The following ZNF423 variants were observed in gnomAD, a reference collection of about 807,000 sequenced individuals.
ZNF423 encodes the protein zinc finger protein 423, also known as Ebf-associated zinc finger protein.
A neutral mutation model predicts 95.8 loss-of-function variants in ZNF423; 12 were observed. The observed-to-expected ratio is 0.13, with a 90% CI of 0.08 to 0.20. The LOEUF is 0.20. Ranked by LOEUF, ZNF423 falls within the 10% of genes least tolerant of loss-of-function variation. The pLI is 1.00. For missense variants in ZNF423, 1,316 were observed against 1,737.1 expected (o/e 0.76, Z 4.31); for synonymous variants, 749 against 711.9 (o/e 1.05, Z -0.83).
rs144041285 is a variant in ZNF423, at chr16:49,621,932, C to T, written c.3601+4238G>A. ...CCCAGGACCACACCAGGTGGGTCTTCGTTCTCTTCCCAACTGGTTCCTTCT... is the reference window on the plus strand; with the variant it reads ...CCCAGGACCACACCAGGTGGGTCTTTGTTCTCTTCCCAACTGGTTCCTTCT... On this transcript the variant is annotated intron_variant, in intron 5 of 7. Transcript: ENST00000563137. 1.1e-4 allele frequency among the ~76,000 whole-genome samples: 16 copies of T among 152,312 alleles called. No individual in the cohort carries two copies. In the East Asian group the frequency reaches 3.1e-3, roughly 29 times the overall value.
chr16:49,644,687 A>AC (rs1555517109), intron 3 of ZNF423, among the ~76,000 whole-genome samples: 1 of 110,906 alleles, frequency 9.0e-6, no homozygotes, highest in Non-Finnish European at 1.9e-5. Context: ...AAAAAAAAAA[A>AC]AAAAAAAAAA....
intron 4 of ZNF423, among the ~76,000 whole-genome samples, chr16:49,626,545 C>A (rs1972277703): frequency 6.6e-6 from 1 of 152,050 alleles, no homozygotes; most frequent in African/African-American, 2.4e-5. Flanking sequence ...CTTAGAAGGG[C>A]AAATCCATCT....
chr16:49,725,287 C>A (rs1040108137), intron 3 of ZNF423, among the ~76,000 whole-genome samples: 1 of 152,010 alleles, frequency 6.6e-6, no homozygotes, highest in Admixed American at 6.5e-5. Flanking sequence ...GAGGCTGAGG[C>A]GGGAGGATCG....
chr16:49,537,550 C>T (rs533281470), intron 5 of ZNF423, among the ~76,000 whole-genome samples: 6 of 152,300 alleles, frequency 3.9e-5, no homozygotes, highest in Non-Finnish European at 7.3e-5. Context: ...CACATGATTG[C>T]GACGCTAATA....
chr16:49,798,038 T>G (rs932723007), intron 1 of ZNF423, among the ~76,000 whole-genome samples: 14 of 152,176 alleles, frequency 9.2e-5, no homozygotes, highest in South Asian at 2.1e-4. Flanking sequence ...AGCAAGATAC[T>G]ATCTCCATAA....
intron 3 of ZNF423, among the ~76,000 whole-genome samples, chr16:49,704,585 G>A (rs2032293697): frequency 6.6e-6 from 1 of 152,206 alleles, no homozygotes; most frequent in Non-Finnish European, 1.5e-5. Flanking sequence ...TAGAGAGGAA[G>A]ATGCAGTGAA....
At chr16:49,786,994 A>G (rs2034324523) in intron 2 of ZNF423, among the ~76,000 whole-genome samples, 1 of 152,194 alleles carries the variant, frequency 6.6e-6, no homozygotes. Flanking sequence ...AAGCCCACAG[A>G]GAAATTATGG....
chr16:49,586,350 A>G, intron 5 of ZNF423, among the ~76,000 whole-genome samples: 1 of 151,962 alleles, frequency 6.6e-6, no homozygotes, highest in East Asian at 1.9e-4. Flanking sequence ...TATTACTTGC[A>G]TATCTATAAT....
At position 49,627,361 on chromosome 16, in the gene ZNF423, C is replaced by A. The variant is rs545725421; in HGVS notation, c.3517-1107G>T. 4.2e-5 allele frequency among the ~76,000 whole-genome samples: 6 copies of A among 141,574 alleles called. No individual in the cohort carries two copies. The East Asian group carries it at 1.2e-3, about 27-fold the overall frequency. The allele number at this position is 141,574 out of a possible 152,430, so 92.9% of individuals were successfully genotyped here. ...ACCCATCCATCCATCTACATACATACCCACCCATCCATCCATCCTCCATCT... is the reference window on the plus strand; with the variant it reads ...ACCCATCCATCCATCTACATACATAACCACCCATCCATCCATCCTCCATCT... On this transcript the variant is annotated intron_variant, in intron 4 of 7. Transcript: ENST00000563137.
chr16:49,636,850 G>A lies in ZNF423; in HGVS notation c.2326C>T (p.His776Tyr). The change falls in exon 4 of 8, where the codon CAC becomes TAC. Residue 776 changes from histidine to tyrosine, a missense_variant. Transcript: ENST00000563137. This position sits in a 1 kb window ranked among gnomAD's most constrained non-coding sequence, Gnocchi z 8.6. ...TTGCCCAGGTGGCTGTGTTTGACGT[G>A]CACCTGCAGGTCAGCCTCCTTGCGG... ...DFRKEADLQV[H>Y]VKHSHLGNPA... is the part of the protein sequence containing the mutation. 1 of 1,613,990 alleles carries A rather than the reference G, an allele frequency of 6.2e-7. No individual in the cohort carries two copies. The highest frequency in any genetic ancestry group is 8.5e-7 in the Non-Finnish European group (1 of 1,180,020).
At chr16:49,618,074 T>C (rs1298820583) in intron 5 of ZNF423, among the ~76,000 whole-genome samples, 1 of 152,222 alleles carries the variant, frequency 6.6e-6, no homozygotes, top group East Asian at 1.9e-4. Flanking sequence ...GGCCACATTA[T>C]CACAAACACT....
chr16:49,666,377 T>G (rs1450845272), intron 3 of ZNF423, among the ~76,000 whole-genome samples: 1 of 152,210 alleles, frequency 6.6e-6, no homozygotes, highest in Non-Finnish European at 1.5e-5. Flanking sequence ...TACAGCCACC[T>G]ACACACGCCA....
At chr16:49,594,860 C>A (rs938289936) in intron 5 of ZNF423, among the ~76,000 whole-genome samples, 14 of 152,318 alleles carry the variant, frequency 9.2e-5, no homozygotes, top group African/African-American at 3.4e-4. Context: ...GGAGCTACGA[C>A]AGGCACACAC....
intron 7 of ZNF423, among the ~76,000 whole-genome samples, chr16:49,503,406 TG>T (rs1479119527): frequency 1.3e-5 from 2 of 152,254 alleles, no homozygotes; most frequent in East Asian, 3.9e-4. Context: ...ACAGCCCAGA[TG>T]GCCCTCCATG....
intron 1 of ZNF423, among the ~76,000 whole-genome samples, chr16:49,803,310 G>A (rs1158479110): frequency 6.6e-6 from 1 of 152,020 alleles, no homozygotes; most frequent in Non-Finnish European, 1.5e-5. Context: ...ATCAATGATG[G>A]CCTGAGTCCC....
intron 5 of ZNF423, among the ~76,000 whole-genome samples, chr16:49,623,748 C>A (rs969166222): frequency 4.6e-5 from 7 of 152,308 alleles, no homozygotes; most frequent in Middle Eastern, 3.4e-3. Context: ...CTCCTCCCCA[C>A]TCTCCGCCAG....
At chr16:49,515,933 C>T (rs868472756) in intron 7 of ZNF423, among the ~76,000 whole-genome samples, 38 of 152,262 alleles carry the variant, frequency 2.5e-4, no homozygotes, top group African/African-American at 8.4e-4. Flanking sequence ...GGCATGGGGC[C>T]GATAGGGCCC....
Position 49,597,640 on chromosome 16 carries a change from T to C in ZNF423, c.3601+28530A>G, listed in dbSNP as rs1209422554. ...TGCTCCAGTCTGCCGTGTGCAAGCC[T>C]GCCTGGTGTCCATGCATGTCGGTGC... On this transcript the variant is annotated intron_variant, in intron 5 of 7. Coordinates refer to ENST00000563137, the MANE Select transcript of ZNF423 (RefSeq NM_001379286.1). Among the ~76,000 whole-genome samples, 4 of 152,130 alleles carry C rather than the reference T, an allele frequency of 2.6e-5. No homozygotes were observed. In the East Asian group the frequency reaches 7.7e-4, roughly 29 times the overall value.
At chr16:49,843,643 T>C (rs140730032) in intron 1 of ZNF423, among the ~76,000 whole-genome samples, 1,850 of 152,274 alleles carry the variant, frequency 0.012, 38 homozygotes, top group African/African-American at 0.042. Flanking sequence ...AGTCAGAGTA[T>C]GTTTCCTCCA....
Sources: allele counts gnomAD v4.1 joint callset (sites outside exome capture counted in the v4.1 genomes callset), GRCh38; gene constraint gnomAD v4.1.1; non-coding constraint Gnocchi (gnomAD v3.1); transcripts MANE v1.5; gene names NCBI Gene and HGNC (gene_info 2026-07-23, HGNC 2026-07-21).